GLIPR2: variants seen among roughly 807,000 people sequenced by gnomAD.
The protein encoded by GLIPR2 is Golgi-associated plant pathogenesis-related protein 1.
Under a neutral mutation model 20.4 loss-of-function variants are expected in GLIPR2, and 21 were observed. The ratio of observed to expected loss-of-function variants is 1.03; its 90% confidence interval spans 0.73 to 1.48. The LOEUF is 1.48. Among genes scored for constraint, GLIPR2 ranks in the 40% most tolerant of loss-of-function variants. The probability of loss-of-function intolerance (pLI) is 0.00; values close to 1 mark genes in which losing one functional copy is unlikely to be tolerated. For synonymous variants in GLIPR2, 91 were observed against 80.5 expected (o/e 1.13, Z -0.70); for missense variants, 205 against 200.1 (o/e 1.02, Z -0.15).
At chr9:36,144,056 C>T (rs1825211271) in intron 1 of GLIPR2, among the ~76,000 whole-genome samples, 1 of 152,184 alleles carries the variant, frequency 6.6e-6, no homozygotes, top group Non-Finnish European at 1.5e-5. Flanking sequence ...CTGCCTCTTG[C>T]ACAAAACAGG....
intron 4 of GLIPR2, among the ~76,000 whole-genome samples, chr9:36,159,887 A>C (rs1825985495): frequency 6.6e-6 from 1 of 152,098 alleles, no homozygotes; most frequent in African/African-American, 2.4e-5. Flanking sequence ...AATTGCTTGA[A>C]CATGGGAGGT....
At chr9:36,159,915 G>A (rs1440805791) in intron 4 of GLIPR2, among the ~76,000 whole-genome samples, 2 of 152,138 alleles carry the variant, frequency 1.3e-5, no homozygotes, top group Non-Finnish European at 2.9e-5. Flanking sequence ...GCAGTGAGCC[G>A]AGATCACGCT....
intron 4 of GLIPR2, among the ~76,000 whole-genome samples, chr9:36,157,594 G>A (rs369485259): frequency 1.3e-4 from 19 of 151,340 alleles, no homozygotes; most frequent in Admixed American, 5.9e-4. Context: ...TGATCCACCC[G>A]CCTTAGCTTC....
intron 1 of GLIPR2, chr9:36,144,551 C>T (rs1268169410): frequency 6.6e-6 from 1 of 152,276 alleles, no homozygotes; most frequent in Non-Finnish European, 1.5e-5. Context: ...GTAGCTCCGC[C>T]CTCTGCCTTA....
intron 1 of GLIPR2, chr9:36,141,781 G>A (rs1196277353): frequency 2.6e-5 from 12 of 453,032 alleles, no homozygotes; most frequent in South Asian, 1.6e-4. Flanking sequence ...AGTCTCCCGA[G>A]TAGCTGGGAC....
chr9:36,136,924 G>C lies in GLIPR2; in HGVS notation c.13+133G>C, dbSNP rs1587120477. On this transcript the variant is annotated intron_variant, in intron 1 of 4. Transcript: ENST00000377960. This position sits in a 1 kb window ranked among gnomAD's most constrained non-coding sequence, Gnocchi z 4.3. ...CGGGGTGCGGGTGGAGGGCGCGCGG[G>C]CGGAGCGCCCCGGCGCGGTTTCCGG... 7.5e-6 allele frequency: 8 copies of C among 1,068,548 alleles called. No individual in the cohort carries two copies. In the South Asian group the frequency reaches 2.3e-4, roughly 31 times the overall value. The allele number at this position is 1,068,548 out of a possible 1,614,324, so 66.2% of individuals were successfully genotyped here. A position where few individuals can be genotyped will look rare whatever the true frequency, so the allele number is the denominator to read the frequency against.
intron 4 of GLIPR2, among the ~76,000 whole-genome samples, chr9:36,151,672 CT>C (rs1825593417): frequency 6.6e-6 from 1 of 152,128 alleles, no homozygotes; most frequent in Non-Finnish European, 1.5e-5. Context: ...GAGGAACCTT[CT>C]GTGGGTCCAT....
chr9:36,162,174 T>TA, intron 4 of GLIPR2, 188 bp from the exon 5 acceptor site: 1 of 1,426,574 alleles, frequency 7.0e-7, no homozygotes, highest in Non-Finnish European at 9.3e-7. Flanking sequence ...GACTCCATCT[T>TA]GGGGGAAAAA....
At chr9:36,145,682 GGGAGGATGTTGGATGGATGGAT>G (rs1225916308) in intron 1 of GLIPR2, among the ~76,000 whole-genome samples, 97 of 152,220 alleles carry the variant, frequency 6.4e-4, no homozygotes, top group Admixed American at 2.1e-3. Context: ...GGTAGATGGA[GGGAGGATGTTGGATGGATGGAT>G]GGAGGATGTT....
At chr9:36,142,542 C>T (rs993584332) in intron 1 of GLIPR2, among the ~76,000 whole-genome samples, 3 of 152,188 alleles carry the variant, frequency 2.0e-5, no homozygotes, top group African/African-American at 4.8e-5. Flanking sequence ...GGTGAGCCTG[C>T]GTCTTCCTCA....
chr9:36,159,000 G>A (rs1328713323), intron 4 of GLIPR2, among the ~76,000 whole-genome samples: 1 of 152,148 alleles, frequency 6.6e-6, no homozygotes, highest in Non-Finnish European at 1.5e-5. Context: ...AGGAGGCAGA[G>A]GTTGCAGTGA....
At chr9:36,148,451 G>A in intron 2 of GLIPR2, 96 bp from the exon 3 acceptor site, 1 of 805,488 alleles carries the variant, frequency 1.2e-6, no homozygotes, top group Non-Finnish European at 2.1e-6. Context: ...GTGAGCCCGG[G>A]GCAGGGAAGG....
At chr9:36,146,630 TACTCTC>T (rs1360225128) in intron 1 of GLIPR2, among the ~76,000 whole-genome samples, 1 of 152,238 alleles carries the variant, frequency 6.6e-6, no homozygotes, top group African/African-American at 2.4e-5. Flanking sequence ...ATAGGATAGA[TACTCTC>T]ATTCCAAAAG....
intron 4 of GLIPR2, among the ~76,000 whole-genome samples, chr9:36,158,235 G>T (rs557922010): frequency 6.6e-6 from 1 of 152,328 alleles, no homozygotes; most frequent in East Asian, 1.9e-4. Context: ...CTGAGTCATT[G>T]CAATTCTGTT....
intron 1 of GLIPR2, among the ~76,000 whole-genome samples, chr9:36,139,536 C>T (rs185554905): frequency 2.0e-5 from 3 of 152,262 alleles, no homozygotes; most frequent in Admixed American, 6.5e-5. Flanking sequence ...AGTTCCAGGC[C>T]GTCAGCCCAG....
rs1472342006 is a variant in GLIPR2, at chr9:36,162,877, T to C, written c.*355T>C. ...CTGGACTTTTTGTATTCCAAATGTT[T>C]GTGATGCTGAGAAGTGAAGTTCATT... On this transcript the variant is annotated 3_prime_UTR_variant, in exon 5 of 5. Transcript: ENST00000377960. 1 of 467,772 alleles carries C rather than the reference T, an allele frequency of 2.1e-6. No homozygotes were observed. The highest frequency in any genetic ancestry group is 4.2e-6 in the Non-Finnish European group (1 of 235,430). 29.0% of individuals were successfully genotyped at this position (467,772 alleles called of 1,614,324 possible). A position where few individuals can be genotyped will look rare whatever the true frequency, so the allele number is the denominator to read the frequency against.
At chr9:36,149,603 G>A (rs531963176) in intron 3 of GLIPR2, among the ~76,000 whole-genome samples, 3 of 152,286 alleles carry the variant, frequency 2.0e-5, no homozygotes, top group South Asian at 2.1e-4. Context: ...AGCCTCCCTC[G>A]GGAGCCTTGA....
At chr9:36,161,452 A>T (rs1176457182) in intron 4 of GLIPR2, among the ~76,000 whole-genome samples, 1 of 152,016 alleles carries the variant, frequency 6.6e-6, no homozygotes, top group African/African-American at 2.4e-5. Context: ...GAGCTGGAGA[A>T]ATAAATTTGG....
intron 1 of GLIPR2, among the ~76,000 whole-genome samples, chr9:36,143,982 C>G (rs1043664009): frequency 3.9e-5 from 6 of 152,166 alleles, no homozygotes; most frequent in African/African-American, 1.2e-4. Flanking sequence ...GCTGAACATC[C>G]CCCATCCTTG....
Sources: gnomAD v4.1 joint callset for allele counts (sites outside exome capture counted in the v4.1 genomes callset) on GRCh38, gnomAD v4.1.1 for gene constraint, Gnocchi (gnomAD v3.1) non-coding constraint, MANE v1.5 for transcripts, NCBI Gene and HGNC (gene_info 2026-07-23, HGNC 2026-07-21) for gene names.